The following CACNA2D3 variants were observed in gnomAD, a reference collection of about 807,000 sequenced individuals.
CACNA2D3 encodes the protein voltage-dependent calcium channel subunit alpha-2/delta-3.
Under a neutral mutation model 160.6 loss-of-function variants are expected in CACNA2D3, and 60 were observed. That is an observed-to-expected ratio of 0.37 (90% confidence interval 0.30 to 0.46). The LOEUF (loss-of-function observed/expected upper bound fraction) is 0.46, where lower values mean the gene tolerates loss of function less well. CACNA2D3 is among the 20% of genes least tolerant of loss of function. CACNA2D3 has a pLI of 1.00. For missense variants in CACNA2D3, 1,205 were observed against 1,365.0 expected (o/e 0.88, Z 1.85); for synonymous variants, 558 against 492.9 (o/e 1.13, Z -1.75).
At chr3:55,051,982 C>T (rs955255791) in intron 35 of CACNA2D3, among the ~76,000 whole-genome samples, 2 of 152,148 alleles carry the variant, frequency 1.3e-5, no homozygotes, top group East Asian at 1.9e-4. Context: ...GGTGCACACA[C>T]CCATGACCTG....
Position 54,337,926 on chromosome 3 carries a change from C to A in CACNA2D3, c.321+17368C>A, listed in dbSNP as rs1353538936. Reference sequence around the variant, plus strand: ...ACAGGGGTAGATCAAGCCATGGACACCCCTTTTTGGTTATTAAGACACAGG... The same window carrying A: ...ACAGGGGTAGATCAAGCCATGGACAACCCTTTTTGGTTATTAAGACACAGG... On this transcript the variant is annotated intron_variant, in intron 3 of 37. Coordinates refer to ENST00000474759, the MANE Select transcript of CACNA2D3 (RefSeq NM_018398.3). 2.0e-5 allele frequency among the ~76,000 whole-genome samples: 3 copies of A among 152,264 alleles called. No individual in the cohort carries two copies. The East Asian group carries it at 5.8e-4, about 29-fold the overall frequency.
chr3:54,330,964 G>A (rs555085139), intron 3 of CACNA2D3, among the ~76,000 whole-genome samples: 2 of 152,262 alleles, frequency 1.3e-5, no homozygotes, highest in African/African-American at 4.8e-5. Flanking sequence ...TTTTTCTAGG[G>A]AAGTATGTTC....
In CACNA2D3 at chr3:55,073,604, G is replaced by A. The variant is rs576551104; in HGVS notation, c.3100+47G>A. ...CACTCACTACCACGGAAACCAGTAAGGGGTATCAGTGGTAAGGAAACCTGG... is the reference window on the plus strand; with the variant it reads ...CACTCACTACCACGGAAACCAGTAAAGGGTATCAGTGGTAAGGAAACCTGG... On this transcript the variant is annotated intron_variant, in intron 36 of 37. Coordinates refer to ENST00000474759, the MANE Select transcript of CACNA2D3 (RefSeq NM_018398.3). 1.4e-5 allele frequency: 20 copies of A among 1,470,652 alleles called. No individual in the cohort carries two copies. In the South Asian group the frequency reaches 2.2e-4, roughly 16 times the overall value. 91.1% of individuals were successfully genotyped at this position (1,470,652 alleles called of 1,614,324 possible). A position where few individuals can be genotyped will look rare whatever the true frequency, so the allele number is the denominator to read the frequency against.
intron 11 of CACNA2D3, among the ~76,000 whole-genome samples, chr3:54,704,521 C>T (rs556635662): frequency 1.3e-5 from 2 of 152,060 alleles, no homozygotes; most frequent in African/African-American, 4.8e-5. Flanking sequence ...GCTCAGGGAT[C>T]TCTGTGAGCT....
chr3:54,154,094 C>T (rs116776023), intron 2 of CACNA2D3, among the ~76,000 whole-genome samples: 2 of 152,108 alleles, frequency 1.3e-5, no homozygotes, highest in Non-Finnish European at 2.9e-5. Flanking sequence ...TTTTTAACTC[C>T]CGATAATAAG....
intron 4 of CACNA2D3, among the ~76,000 whole-genome samples, chr3:54,479,545 A>G (rs1376825979): frequency 1.3e-5 from 2 of 152,278 alleles, no homozygotes; most frequent in South Asian, 2.1e-4. Context: ...TAACTCTTCC[A>G]TATTTTCCTT....
intron 11 of CACNA2D3, among the ~76,000 whole-genome samples, chr3:54,734,663 A>G (rs1223025178): frequency 6.6e-6 from 1 of 152,210 alleles, no homozygotes; most frequent in African/African-American, 2.4e-5. Flanking sequence ...CAACTCACAA[A>G]GACCATCTGA....
chr3:54,448,222 C>A (rs150196436), intron 4 of CACNA2D3, among the ~76,000 whole-genome samples: 1 of 152,302 alleles, frequency 6.6e-6, no homozygotes, highest in East Asian at 1.9e-4. Context: ...GGCAGCTCAA[C>A]ATAAAGGTCT....
At chr3:54,805,593 A>G (rs903236738) in intron 13 of CACNA2D3, among the ~76,000 whole-genome samples, 6 of 152,320 alleles carry the variant, frequency 3.9e-5, no homozygotes, top group African/African-American at 7.2e-5. Context: ...CCAGGACCAG[A>G]TGGATTCACA....
chr3:54,662,882 C>T (rs1699997774), intron 11 of CACNA2D3, among the ~76,000 whole-genome samples: 1 of 152,202 alleles, frequency 6.6e-6, no homozygotes, highest in Admixed American at 6.5e-5. Flanking sequence ...CCAACTTAGG[C>T]TTGTACTATG....
At chr3:54,671,675 T>C (rs959720693) in intron 11 of CACNA2D3, among the ~76,000 whole-genome samples, 1 of 152,120 alleles carries the variant, frequency 6.6e-6, no homozygotes, top group Non-Finnish European at 1.5e-5. Flanking sequence ...GGGGGATCTT[T>C]TGGGCTCTCT....
At chr3:54,779,138 C>T (rs1702485037) in intron 13 of CACNA2D3, among the ~76,000 whole-genome samples, 1 of 151,974 alleles carries the variant, frequency 6.6e-6, no homozygotes, top group South Asian at 2.1e-4. Flanking sequence ...CCTTCTGTTG[C>T]CCAGGCTGGA....
At chr3:54,636,371 T>C (rs981326092) in intron 10 of CACNA2D3, among the ~76,000 whole-genome samples, 2 of 151,912 alleles carry the variant, frequency 1.3e-5, no homozygotes, top group African/African-American at 2.4e-5. Context: ...GGAGGCCGGA[T>C]TGAAGTCCGG....
chr3:54,871,182 GACACACAC>G (rs376258511), intron 17 of CACNA2D3, among the ~76,000 whole-genome samples: 16 of 127,710 alleles, frequency 1.3e-4, no homozygotes, highest in Middle Eastern at 3.7e-3. Flanking sequence ...TATAGGTGGA[GACACACAC>G]ACACACACAC....
chr3:54,403,755 TAAGAA>T (rs1239488696), intron 4 of CACNA2D3, among the ~76,000 whole-genome samples: 2 of 151,888 alleles, frequency 1.3e-5, no homozygotes, highest in Non-Finnish European at 2.9e-5. Flanking sequence ...TTAGCTAGAC[TAAGAA>T]AAGAGAGAAG....
At chr3:54,803,980 A>C (rs547521693) in intron 13 of CACNA2D3, among the ~76,000 whole-genome samples, 1 of 152,290 alleles carries the variant, frequency 6.6e-6, no homozygotes, top group Admixed American at 6.5e-5. Flanking sequence ...AGGAGAAATA[A>C]AATCCTTTAC....
chr3:54,880,770 A>G, intron 20 of CACNA2D3, 26 bp from the exon 21 acceptor site: 3 of 1,603,542 alleles, frequency 1.9e-6, no homozygotes, highest in Non-Finnish European at 2.6e-6. Flanking sequence ...CAGGGATTTC[A>G]AGATTTGCTT....
chr3:54,683,877 C>T (rs1429179403), intron 11 of CACNA2D3, among the ~76,000 whole-genome samples: 1 of 151,618 alleles, frequency 6.6e-6, no homozygotes, highest in Admixed American at 6.6e-5. Flanking sequence ...CTTGGTGTTC[C>T]TTGGATTGTG....
intron 11 of CACNA2D3, among the ~76,000 whole-genome samples, chr3:54,687,121 C>CTTTTTTTTTTTTTTTTTTTTTTTTTTT (rs757838355): frequency 5.3e-5 from 5 of 94,970 alleles, no homozygotes; most frequent in Admixed American, 1.4e-4. Context: ...TTTTCTTTTT[C>CTTTTTTTTTTTTTTTTTTTTTTTTTTT]TTTTTTTTTT....
Sources: allele counts gnomAD v4.1 joint callset (sites outside exome capture counted in the v4.1 genomes callset), GRCh38; gene constraint gnomAD v4.1.1; transcripts MANE v1.5; gene names NCBI Gene and HGNC (gene_info 2026-07-23, HGNC 2026-07-21).